The following USP13 variants were observed in gnomAD, a reference collection of about 807,000 sequenced individuals.
USP13 encodes the protein ubiquitin carboxyl-terminal hydrolase 13.
A neutral mutation model predicts 107.8 loss-of-function variants in USP13; 68 were observed. That is an observed-to-expected ratio of 0.63 (90% CI 0.52 to 0.77). The LOEUF (loss-of-function observed/expected upper bound fraction) is 0.77, where lower values mean the gene tolerates loss of function less well. USP13 is among the 30% of genes least tolerant of loss of function. USP13 has a pLI of 0.00. For missense variants in USP13, 945 were observed against 1,093.3 expected (o/e 0.86, Z 1.91); for synonymous variants, 377 against 389.5 (o/e 0.97, Z 0.38).
chr3:179,695,678 C>T (rs1196333027), intron 3 of USP13, among the ~76,000 whole-genome samples: 1 of 151,986 alleles, frequency 6.6e-6, no homozygotes, highest in East Asian at 1.9e-4. Context: ...ATAAAGGGCT[C>T]CTCAGTGAAA....
At chr3:179,737,009 T>C (rs957184949) in intron 10 of USP13, among the ~76,000 whole-genome samples, 1 of 152,236 alleles carries the variant, frequency 6.6e-6, no homozygotes, top group South Asian at 2.1e-4. Context: ...AGGGATTTAT[T>C]CCAAGTGGTG....
intron 13 of USP13, among the ~76,000 whole-genome samples, chr3:179,750,186 A>G (rs1257606343): frequency 2.0e-5 from 3 of 151,480 alleles, no homozygotes; most frequent in African/African-American, 7.3e-5. Flanking sequence ...AATCACTTGA[A>G]TCCGGGAGGC....
chr3:179,742,306 A>G lies in USP13; in HGVS notation c.1490A>G (p.Tyr497Cys), dbSNP rs1560070541. The G allele has an allele frequency of 6.2e-7, 1 of 1,614,244 alleles. No homozygotes were observed. Reference sequence around the variant, plus strand: ...GTCCGCTACACGGAGAGGGTGGATTACCTGATGCAGTTACCTGTGGCCATG... The same window carrying G: ...GTCCGCTACACGGAGAGGGTGGATTGCCTGATGCAGTTACCTGTGGCCATG... ...RKVRYTERVD[Y>C]LMQLPVAMEA... Residue 497 changes from tyrosine to cysteine, a missense_variant, in exon 12 of 21, where the codon TAC becomes TGC. Tyr to Cys is a radical substitution (Grantham distance 194). Coordinates refer to ENST00000263966, the MANE Select transcript of USP13 (RefSeq NM_003940.3). The surrounding 1 kb of genome is among the most constrained non-coding windows in gnomAD (Gnocchi z 5.0).
At chr3:179,677,232 A>C (rs868231516) in intron 1 of USP13, among the ~76,000 whole-genome samples, 1 of 151,660 alleles carries the variant, frequency 6.6e-6, no homozygotes, top group Non-Finnish European at 1.5e-5. Flanking sequence ...TTTCTCTTTG[A>C]TTATGGACTT....
chr3:179,684,825 T>A (rs1210745394), intron 2 of USP13, among the ~76,000 whole-genome samples: 1 of 152,160 alleles, frequency 6.6e-6, no homozygotes, highest in Non-Finnish European at 1.5e-5. Flanking sequence ...TTATTTTTTT[T>A]TCCAGAATTT....
chr3:179,653,126 G>A lies in USP13; in HGVS notation c.-100G>A. Reference sequence around the variant, plus strand: ...GGCTCGGCCGGCTGCCGTTGCCCGCGCAGCCCGCCCGTCAGCCCGCTCGCT... The same window carrying A: ...GGCTCGGCCGGCTGCCGTTGCCCGCACAGCCCGCCCGTCAGCCCGCTCGCT... On this transcript the variant is annotated 5_prime_UTR_variant, in exon 1 of 21. Coordinates refer to ENST00000263966, the MANE Select transcript of USP13 (RefSeq NM_003940.3). This position sits in a 1 kb window ranked among gnomAD's most constrained non-coding sequence, Gnocchi z 4.0. 1 of 970,560 alleles carries A rather than the reference G, an allele frequency of 1.0e-6. No individual in the cohort carries two copies. The highest frequency in any genetic ancestry group is 1.2e-6 in the Non-Finnish European group (1 of 815,968). The allele number at this position is 970,560 out of a possible 1,614,324, so 60.1% of individuals were successfully genotyped here.
At chr3:179,657,684 A>G (rs1006296635) in intron 1 of USP13, among the ~76,000 whole-genome samples, 1 of 146,676 alleles carries the variant, frequency 6.8e-6, no homozygotes, top group Non-Finnish European at 1.5e-5. Flanking sequence ...GAATCGCTTG[A>G]ACCTGGGAGG....
intron 10 of USP13, among the ~76,000 whole-genome samples, chr3:179,731,877 A>G (rs998426072): frequency 1.3e-5 from 2 of 152,158 alleles, no homozygotes; most frequent in African/African-American, 4.8e-5. Flanking sequence ...TCAAGTGTTT[A>G]TCTTAAGGCA....
chr3:179,729,652 A>G (rs1156268641), intron 8 of USP13, among the ~76,000 whole-genome samples: 1 of 151,778 alleles, frequency 6.6e-6, no homozygotes, highest in Non-Finnish European at 1.5e-5. Flanking sequence ...TTGCATTTTT[A>G]GTAGAGATGG....
At chr3:179,725,082 C>T (rs1352874438) in intron 8 of USP13, among the ~76,000 whole-genome samples, 6 of 151,952 alleles carry the variant, frequency 3.9e-5, no homozygotes, top group East Asian at 3.9e-4. Context: ...CGTGGTGGTG[C>T]GTGCCTGTGA....
chr3:179,653,419 T>G lies in USP13; in HGVS notation c.168+26T>G. 1 of 1,542,090 alleles carries G rather than the reference T, an allele frequency of 6.5e-7. No homozygotes were observed. The highest frequency in any genetic ancestry group is 8.8e-7 in the Non-Finnish European group (1 of 1,141,060). On this transcript the variant is annotated intron_variant, in intron 1 of 20. Coordinates refer to ENST00000263966, the MANE Select transcript of USP13 (RefSeq NM_003940.3). This position sits in a 1 kb window ranked among gnomAD's most constrained non-coding sequence, Gnocchi z 4.0. ...GTAAGTGAGGCGCCTCGGGGGAGGG[T>G]CGCGGGGCCGGCGGCCTGCGGCACG...
chr3:179,658,999 G>A (rs1720374118), intron 1 of USP13, among the ~76,000 whole-genome samples: 1 of 152,198 alleles, frequency 6.6e-6, no homozygotes. Flanking sequence ...ATGATACTCA[G>A]CATAAATGGT....
At chr3:179,752,143 T>G (rs1714634749) in intron 13 of USP13, 142 bp from the exon 14 acceptor site, 1 of 674,282 alleles carries the variant, frequency 1.5e-6, no homozygotes, top group Non-Finnish European at 2.6e-6. Context: ...TCCACTTACA[T>G]GTCTGTGTTT....
chr3:179,769,629 C>T (rs936668652), intron 19 of USP13, among the ~76,000 whole-genome samples: 5 of 152,128 alleles, frequency 3.3e-5, no homozygotes, highest in Non-Finnish European at 5.9e-5. Context: ...GGCTGGTCTC[C>T]AACTCCTGAG....
At chr3:179,758,688 C>T (rs922350504) in intron 16 of USP13, among the ~76,000 whole-genome samples, 14 of 151,894 alleles carry the variant, frequency 9.2e-5, no homozygotes, top group Non-Finnish European at 1.8e-4. Context: ...TTAGTAGAGA[C>T]GGGGTTTTAC....
intron 3 of USP13, among the ~76,000 whole-genome samples, chr3:179,699,747 T>TTTTATTTA (rs71628092): frequency 0.023 from 3,179 of 137,976 alleles, 57 homozygotes; most frequent in Admixed American, 0.039. Context: ...ATCTTATTTA[T>TTTTATTTA]TTTATTTATT....
chr3:179,689,645 G>C (rs1366929303), intron 2 of USP13, among the ~76,000 whole-genome samples: 1 of 150,692 alleles, frequency 6.6e-6, no homozygotes, highest in South Asian at 2.1e-4. Context: ...GCGACTGTGT[G>C]AGACTCCATC....
intron 10 of USP13, among the ~76,000 whole-genome samples, chr3:179,732,110 A>C (rs79840119): frequency 1.3e-5 from 2 of 152,098 alleles, no homozygotes; most frequent in Non-Finnish European, 2.9e-5. Context: ...CCAGGAGACC[A>C]GAGGGGTATG....
intron 2 of USP13, among the ~76,000 whole-genome samples, chr3:179,682,573 T>C (rs775155144): frequency 6.6e-6 from 1 of 152,198 alleles, no homozygotes; most frequent in Non-Finnish European, 1.5e-5. Context: ...ACTATAATTC[T>C]GTGAAGAGTT....
Sources: gnomAD v4.1 joint callset for allele counts (sites outside exome capture counted in the v4.1 genomes callset) on GRCh38, gnomAD v4.1.1 for gene constraint, Gnocchi (gnomAD v3.1) non-coding constraint, MANE v1.5 for transcripts, NCBI Gene and HGNC (gene_info 2026-07-23, HGNC 2026-07-21) for gene names.